The following PER3 variants were observed in gnomAD, a reference collection of about 807,000 sequenced individuals.
PER3 encodes period circadian protein homolog 3.
In PER3, 107 loss-of-function variants were observed where a neutral mutation model predicts 127.2. The observed-to-expected ratio is 0.84, with a 90% CI of 0.72 to 0.99. The LOEUF (loss-of-function observed/expected upper bound fraction) is 0.99. Among genes scored for constraint, PER3 ranks in the 50% least tolerant of loss-of-function variants. PER3 has a pLI of 0.00. For missense variants in PER3, 1,560 were observed against 1,525.8 expected (o/e 1.02, Z -0.37); for synonymous variants, 618 against 585.8 (o/e 1.05, Z -0.79).
intron 13 of PER3, among the ~76,000 whole-genome samples, chr1:7,813,938 G>A (rs940180187): frequency 6.6e-6 from 1 of 152,178 alleles, no homozygotes; most frequent in Middle Eastern, 3.2e-3. Context: ...TTAAAGGCTA[G>A]TGGACAAAGT....
intron 7 of PER3, 66 bp from the exon 8 acceptor site, chr1:7,801,046 TG>T: frequency 1.1e-6 from 1 of 889,380 alleles, no homozygotes; most frequent in Non-Finnish European, 1.9e-6. Flanking sequence ...ATATGTTAAG[TG>T]GTTAGTTAGG....
In PER3 at chr1:7,792,584, C is replaced by G. The variant is rs2097126937; in HGVS notation, c.593-1373C>G. ...GAATCTCAAGGATTGATACTGAGAG[C>G]AGTTGGTTAATGCCACCCCCTTTAT... On this transcript the variant is annotated intron_variant, in intron 5 of 21. Transcript: ENST00000377532. 2.0e-5 allele frequency among the ~76,000 whole-genome samples: 3 copies of G among 152,170 alleles called. No homozygotes were observed. The South Asian group carries it at 6.2e-4, about 31-fold the overall frequency.
rs1248301331 is a variant in PER3 at position 7,842,745 on chromosome 1, A to C, written c.3623A>C (p.Asp1208Ala). 15 of 1,613,110 alleles carry C rather than the reference A, an allele frequency of 9.3e-6. 1 individual carries two copies. Among genetic ancestry groups the C allele is most frequent in the Non-Finnish European group, 1.3e-5 (15 of 1,179,294 alleles). ...ATSCGQVLVE[D>A]SC ...TCCTGTGGTCAGGTTCTGGTAGAAG[A>C]CAGCTGTTGAGTGACTGTGAGGATG... The change falls in exon 22 of 22, where the codon GAC becomes GCC. Residue 1208 changes from aspartate to alanine, a missense_variant. By Grantham distance (126) the Asp-to-Ala change is moderately radical. This residue lies in a region of PER3 where 199 missense variants were observed against 198.6 expected (regional missense o/e 1.00). Coordinates refer to ENST00000377532, the MANE Select transcript of PER3 (RefSeq NM_001377275.1).
intron 16 of PER3, among the ~76,000 whole-genome samples, chr1:7,820,876 A>T (rs1398761793): frequency 6.6e-6 from 1 of 152,240 alleles, no homozygotes; most frequent in Non-Finnish European, 1.5e-5. Context: ...TGACACATAT[A>T]AAGCACTTAA....
chr1:7,844,444 C>T lies in PER3; in HGVS notation c.*1689C>T, dbSNP rs960482077. On this transcript the variant is annotated 3_prime_UTR_variant, in exon 22 of 22. Coordinates refer to ENST00000377532, the MANE Select transcript of PER3 (RefSeq NM_001377275.1). ...ATCAAATTTGAAACAATTAACCAGC[C>T]AGTAGATTGTCTGTCAGTGACCTTC... 1.3e-5 allele frequency: 2 copies of T among 152,530 alleles called. No homozygotes were observed. The highest frequency in any genetic ancestry group is 2.9e-5 in the Non-Finnish European group (2 of 68,190). The allele number at this position is 152,530 out of a possible 1,614,324, so 9.4% of individuals were successfully genotyped here. A position where few individuals can be genotyped will look rare whatever the true frequency, so the allele number is the denominator to read the frequency against.
intron 5 of PER3, among the ~76,000 whole-genome samples, chr1:7,789,478 C>T (rs1456085994): frequency 6.6e-6 from 1 of 152,190 alleles, no homozygotes; most frequent in Non-Finnish European, 1.5e-5. Context: ...TAACTTGCCC[C>T]TCCTTGCCTT....
chr1:7,794,029 A>G lies in PER3; in HGVS notation c.644+21A>G, dbSNP rs202244670. On this transcript the variant is annotated intron_variant, in intron 6 of 21. Transcript: ENST00000377532. ...ATCCGGTAAGTATAGTGGCTCGTGG[A>G]AGCCAGCAACAGTGGATTATGTTCT... The G allele has an allele frequency of 6.2e-5, 99 of 1,599,746 alleles. No homozygotes were observed. The East Asian group carries it at 1.9e-3, about 31-fold the overall frequency.
chr1:7,807,252 CAT>C (rs1267997974), intron 10 of PER3, among the ~76,000 whole-genome samples: 9 of 152,130 alleles, frequency 5.9e-5, no homozygotes, highest in Non-Finnish European at 1.3e-4. Flanking sequence ...TTGCCACAGA[CAT>C]ATGGTGTACC....
chr1:7,791,546 T>C (rs1324666987), intron 5 of PER3, among the ~76,000 whole-genome samples: 1 of 152,238 alleles, frequency 6.6e-6, no homozygotes, highest in Non-Finnish European at 1.5e-5. Context: ...CTGAAGACAT[T>C]TTCCCCATTG....
In PER3 at chr1:7,801,204, T is replaced by TTA; in HGVS notation, c.872+14_872+15dup. On this transcript the variant is annotated intron_variant, in intron 8 of 21. Coordinates refer to ENST00000377532, the MANE Select transcript of PER3 (RefSeq NM_001377275.1). ...AAGTAGATGAAAAGTAAGTACTTCTTTAAGCCTAAAAGAAATTTGTTTCTG... is the reference window on the plus strand; with the variant it reads ...AAGTAGATGAAAAGTAAGTACTTCTTTATAAGCCTAAAAGAAATTTGTTTCTG... 1 of 1,435,592 alleles carries TTA rather than the reference T, an allele frequency of 7.0e-7. No individual in the cohort carries two copies. The highest frequency in any genetic ancestry group is 9.7e-7 in the Non-Finnish European group (1 of 1,033,884). 88.9% of individuals were successfully genotyped at this position (1,435,592 alleles called of 1,614,324 possible). A position where few individuals can be genotyped will look rare whatever the true frequency, so the allele number is the denominator to read the frequency against.
At chr1:7,806,812 A>AATATATATATAT (rs1553309917) in intron 10 of PER3, among the ~76,000 whole-genome samples, 45 of 60,616 alleles carry the variant, frequency 7.4e-4, no homozygotes, top group East Asian at 3.5e-3. Context: ...AAAAAAAAAA[A>AATATATATATAT]ATATATATAT....
chr1:7,810,804 G>T (rs929563806), intron 13 of PER3: 14 of 378,064 alleles, frequency 3.7e-5, no homozygotes, highest in Non-Finnish European at 6.1e-5. Context: ...GAATGTATTT[G>T]TAACAGTTGC....
chr1:7,799,330 T>G (rs1226914708), intron 7 of PER3, among the ~76,000 whole-genome samples: 3 of 152,202 alleles, frequency 2.0e-5, no homozygotes, highest in African/African-American at 4.8e-5. Context: ...TCGTGCCGGG[T>G]GCAGTGGCTC....
intron 19 of PER3, 126 bp from the exon 20 acceptor site, chr1:7,835,636 C>T: frequency 3.1e-6 from 2 of 636,730 alleles, no homozygotes. Context: ...AGGAAGTTTC[C>T]CGGAAATGAT....
chr1:7,797,782 GA>G (rs1416025981), intron 6 of PER3, among the ~76,000 whole-genome samples: 1 of 152,204 alleles, frequency 6.6e-6, no homozygotes, highest in Non-Finnish European at 1.5e-5. Context: ...AAAAGTTGGG[GA>G]GTGTGAATTC....
rs914919146 is a variant in PER3, at chr1:7,829,853, A to G, written c.2906A>G (p.Asn969Ser). The change falls in exon 19 of 22, where the codon AAT (asparagine) becomes AGT (serine). Residue 969 changes from asparagine to serine, a missense_variant. This residue lies in a region of PER3 where 1,332 missense variants were observed against 1,223.6 expected (regional missense o/e 1.09). Transcript: ENST00000377532. ...QTEYQCVTGN[N>S]GSESSPATTG... ...TTCTAGCAGTGTGTTACAGGCAACA[A>G]TGGCAGTGAGAGCAGTCCTGCTACT... 9 of 1,614,022 alleles carry G rather than the reference A, an allele frequency of 5.6e-6. No individual in the cohort carries two copies. In the East Asian group the frequency reaches 2.0e-4, roughly 36 times the overall value.
chr1:7,804,971 C>T lies in PER3; in HGVS notation c.1136+1123C>T, dbSNP rs1054650198. Among the ~76,000 whole-genome samples, 51 of 151,286 alleles carry T rather than the reference C, an allele frequency of 3.4e-4. 1 individual carries two copies. Among genetic ancestry groups the T allele is most frequent in the Middle Eastern group, 3.4e-3 (1 of 292 alleles). ...GCAACTTCCGCCTCCTGGGTTCAAA[C>T]GTTTCTCCTGCCTCAGCCTCTCCAG... is the stretch of plus-strand genomic sequence containing the variant. On this transcript the variant is annotated intron_variant, in intron 10 of 21. Coordinates refer to ENST00000377532, the MANE Select transcript of PER3 (RefSeq NM_001377275.1).
intron 2 of PER3, 45 bp downstream of exon 2, chr1:7,785,050 C>A: frequency 6.4e-7 from 1 of 1,553,878 alleles, no homozygotes; most frequent in East Asian, 2.4e-5. Context: ...GTTCGTTGTC[C>A]TTCCCTGGAG....
intron 21 of PER3, among the ~76,000 whole-genome samples, chr1:7,837,933 C>T (rs756225632): frequency 1.8e-4 from 28 of 152,038 alleles, no homozygotes; most frequent in Admixed American, 2.6e-4. Flanking sequence ...GGTGTGGTGG[C>T]GTGCACCTAT....
Sources: gnomAD v4.1 joint callset for allele counts (sites outside exome capture counted in the v4.1 genomes callset) on GRCh38, gnomAD v4.1.1 for gene constraint, gnomAD v4.1.1 regional missense constraint, MANE v1.5 for transcripts, NCBI Gene and HGNC (gene_info 2026-07-23, HGNC 2026-07-21) for gene names.